Variants in ATP13A4 observed in about 807,000 individuals in gnomAD.
ATP13A4 encodes probable cation-transporting ATPase 13A4.
ATP13A4 carries 114 observed loss-of-function variants against 142.5 expected under a neutral mutation model. The ratio of observed to expected loss-of-function variants is 0.80; its 90% CI spans 0.69 to 0.93. The LOEUF is 0.93. ATP13A4 is among the 40% of genes least tolerant of loss of function. The pLI is 0.00. For missense variants in ATP13A4, 1,392 were observed against 1,454.0 expected, an observed-to-expected ratio of 0.96 and a Z score of 0.69; for synonymous variants, 488 against 514.8, an observed-to-expected ratio of 0.95 and a Z score of 0.70.
chr3:193,537,129 C>T (rs1420606568), intron 1 of ATP13A4, among the ~76,000 whole-genome samples: 3 of 151,914 alleles, frequency 2.0e-5, no homozygotes, highest in Non-Finnish European at 4.4e-5. Flanking sequence ...ATTAAAAAAT[C>T]AATAAATTAT....
chr3:193,463,669 T>C (rs1687147784), intron 12 of ATP13A4, among the ~76,000 whole-genome samples: 1 of 152,134 alleles, frequency 6.6e-6, no homozygotes, highest in South Asian at 2.1e-4. Context: ...ATCATAATTA[T>C]TCATAATTAT....
chr3:193,441,373 C>T, intron 20 of ATP13A4, 93 bp downstream of exon 20: 1 of 1,495,450 alleles, frequency 6.7e-7, no homozygotes, highest in Non-Finnish European at 9.3e-7. Context: ...GTATATTTTA[C>T]CTGTCTCAAG....
Position 193,489,788 on chromosome 3 carries a change from A to C in ATP13A4, c.680T>G (p.Phe227Cys), listed in dbSNP as rs868576491. 6.2e-7 allele frequency: 1 copy of C among 1,610,752 alleles called. No individual in the cohort carries two copies. Among genetic ancestry groups the C allele is most frequent in the African/African-American group, 1.3e-5 (1 of 74,830 alleles). Residue 227 changes from phenylalanine (F) to cysteine (C), a missense_variant, in exon 7 of 30, where the codon TTT (phenylalanine) becomes TGT (cysteine). By Grantham distance (205) the Phe-to-Cys change is radical (BLOSUM62 -2). Transcript: ENST00000342695. ...WFSEDYKEYAFAIIIMSIISI... is the reference protein window; with the variant it reads ...WFSEDYKEYACAIIIMSIISI... ...AATTATGGACATGATTATGATGGCA[A>C]AAGCATATTCCTTATAGTCTTCACT...
At chr3:193,589,614 A>C (rs1162387765) in intron 1 of ATP13A4, among the ~76,000 whole-genome samples, 2 of 152,336 alleles carry the variant, frequency 1.3e-5, no homozygotes, top group East Asian at 3.9e-4. Context: ...CTCAATTCCC[A>C]GCTGAACTGG....
chr3:193,461,357 A>C (rs930374740), intron 13 of ATP13A4, among the ~76,000 whole-genome samples: 1 of 152,264 alleles, frequency 6.6e-6, no homozygotes, highest in Admixed American at 6.5e-5. Context: ...AATAAGAACA[A>C]GACTGCTCTC....
chr3:193,446,686 A>C (rs1230956554), intron 18 of ATP13A4, among the ~76,000 whole-genome samples: 1 of 152,192 alleles, frequency 6.6e-6, no homozygotes, highest in Non-Finnish European at 1.5e-5. Flanking sequence ...ATGTCAAAAA[A>C]TGGTAAAAAA....
At chr3:193,404,041 G>A in intron 29 of ATP13A4, 1 of 985,388 alleles carries the variant, frequency 1.0e-6, no homozygotes, top group Non-Finnish European at 1.2e-6. Context: ...TGGCTGCGGG[G>A]CTGTTAAAGA....
At chr3:193,543,181 C>G (rs963171179) in intron 1 of ATP13A4, among the ~76,000 whole-genome samples, 13 of 131,716 alleles carry the variant, frequency 9.9e-5, no homozygotes, top group African/African-American at 3.5e-4. Context: ...AAAAAAAAAG[C>G]CTAGAAGAAA....
Position 193,399,705 on chromosome 3 carries a change from G to A in ATP13A4, c.*2947C>T, listed in dbSNP as rs192289130. ...CTACTAAAAATACAAAAAATTAGCC[G>A]GGCATGGTGGCAGACCTGTAGTCCC... is the stretch of plus-strand genomic sequence containing the variant. On this transcript the variant is annotated 3_prime_UTR_variant, in exon 30 of 30. Coordinates refer to ENST00000342695, the MANE Select transcript of ATP13A4 (RefSeq NM_032279.4). 4.3e-4 allele frequency among the ~76,000 whole-genome samples: 66 copies of A among 152,002 alleles called. No homozygotes were observed. Among genetic ancestry groups the A allele is most frequent in the African/African-American group, 1.5e-3 (63 of 41,480 alleles).
intron 18 of ATP13A4, among the ~76,000 whole-genome samples, chr3:193,443,461 CT>C (rs1213960702): frequency 6.6e-6 from 1 of 152,118 alleles, no homozygotes; most frequent in Non-Finnish European, 1.5e-5. Flanking sequence ...AAACTGCCAC[CT>C]ACAACAGGAA....
At chr3:193,462,900 T>TA (rs765820966) in intron 12 of ATP13A4, 77 bp from the exon 13 acceptor site, 243 of 1,449,398 alleles carry the variant, frequency 1.7e-4, no homozygotes, top group Admixed American at 3.1e-4. Context: ...ATCCCAGCAC[T>TA]ACGGGAGGCG....
intron 1 of ATP13A4, among the ~76,000 whole-genome samples, chr3:193,522,329 A>G (rs1341181437): frequency 6.6e-6 from 1 of 152,226 alleles, no homozygotes; most frequent in Non-Finnish European, 1.5e-5. Flanking sequence ...GAAGTTCATG[A>G]AAACTTACAT....
rs1176949293 is a variant in ATP13A4 at position 193,467,383 on chromosome 3, A to T, written c.1047T>A (p.Cys349Ter). The change falls in exon 10 of 30, where the codon TGT becomes TGA. Residue 349 changes from cysteine to a stop codon, truncating the protein, a stop_gained. Transcript: ENST00000342695. LOFTEE classifies it high-confidence loss of function. ...EADYKRHVLFCGTEVIQAKAA... is the reference protein window; with the variant it reads ...EADYKRHVLF ...CCTTGGCCTGGATAACCTCTGTTCC[A>T]CAGAAGAGGACATGCCGCTTGTAAT... The T allele has an allele frequency of 6.2e-7, 1 of 1,614,136 alleles. No individual in the cohort carries two copies.
Position 193,466,058 on chromosome 3 carries a change from C to A in ATP13A4, c.1239G>T (p.Met413Ile), listed in dbSNP as rs768874881. The change falls in exon 11 of 30, where the codon ATG becomes ATT. Residue 413 changes from methionine (M) to isoleucine (I), a missense_variant. By Grantham distance (10) the Met-to-Ile change is conservative. Transcript: ENST00000342695. ...LCLVGTATIGMIYTLCVYVLS... is the reference protein window; with the variant it reads ...LCLVGTATIGIIYTLCVYVLS... ...GCACATAGACACACAGAGTATAGAT[C>A]ATCCCAATGGTGGCTGTTCCTACAA... 3 of 1,614,148 alleles carry A rather than the reference C, an allele frequency of 1.9e-6. No homozygotes were observed.
chr3:193,434,358 C>T (rs543134151), intron 24 of ATP13A4, among the ~76,000 whole-genome samples: 1 of 152,254 alleles, frequency 6.6e-6, no homozygotes, highest in East Asian at 1.9e-4. Flanking sequence ...TATTTGCATT[C>T]TTGAATGTTT....
chr3:193,491,793 G>A (rs1264367252), intron 5 of ATP13A4, among the ~76,000 whole-genome samples: 1 of 152,068 alleles, frequency 6.6e-6, no homozygotes, highest in African/African-American at 2.4e-5. Context: ...TTATTGATAA[G>A]GAAATGCTGT....
intron 21 of ATP13A4, chr3:193,440,165 A>G (rs1253540848): frequency 4.4e-6 from 1 of 226,612 alleles, no homozygotes; most frequent in Non-Finnish European, 8.9e-6. Context: ...GAATATCCCT[A>G]TATCATCATT....
intron 1 of ATP13A4, among the ~76,000 whole-genome samples, chr3:193,549,757 G>A (rs920306769): frequency 3.3e-5 from 5 of 152,114 alleles, no homozygotes; most frequent in Non-Finnish European, 7.4e-5. Context: ...ACCTGTGCCT[G>A]GGAGGTTGAG....
chr3:193,469,916 AT>A (rs1191818252), intron 9 of ATP13A4, among the ~76,000 whole-genome samples: 3 of 152,162 alleles, frequency 2.0e-5, no homozygotes, highest in Non-Finnish European at 4.4e-5. Flanking sequence ...GCATTACAGG[AT>A]TTTTATGAAT....
Sources: gnomAD v4.1 joint callset for allele counts (sites outside exome capture counted in the v4.1 genomes callset) on GRCh38, gnomAD v4.1.1 for gene constraint, MANE v1.5 for transcripts, NCBI Gene and HGNC (gene_info 2026-07-23, HGNC 2026-07-21) for gene names.